Variants in IPO11 observed in about 807,000 individuals in gnomAD.
IPO11 encodes importin 11.
In IPO11, 66 loss-of-function variants were observed where a neutral mutation model predicts 143.2. The ratio of observed to expected loss-of-function variants is 0.46; its 90% CI spans 0.38 to 0.57. The LOEUF (loss-of-function observed/expected upper bound fraction) is 0.57. Ranked by LOEUF, IPO11 falls within the 20% of genes least tolerant of loss-of-function variation. IPO11 has a pLI of 0.00. For missense variants in IPO11, 1,026 were observed against 1,141.0 expected (o/e 0.90, Z 1.45); for synonymous variants, 385 against 377.8 (o/e 1.02, Z -0.22).
At chr5:62,489,969 ATTTC>A in intron 14 of IPO11, 142 bp from the exon 15 acceptor site, 1 of 411,898 alleles carries the variant, frequency 2.4e-6, no homozygotes, top group South Asian at 8.7e-5. Flanking sequence ...AAAATAAATT[ATTTC>A]TTCTACTTAA....
chr5:62,441,482 C>A, intron 2 of IPO11, among the ~76,000 whole-genome samples: 1 of 129,690 alleles, frequency 7.7e-6, no homozygotes, highest in African/African-American at 2.9e-5. Flanking sequence ...CAGGCATGAG[C>A]CACTGTGCCT....
chr5:62,430,608 C>T (rs946241012), intron 1 of IPO11, among the ~76,000 whole-genome samples: 4 of 151,906 alleles, frequency 2.6e-5, no homozygotes, highest in African/African-American at 7.3e-5. Context: ...AGGTGAGAGC[C>T]GCCATGCCAG....
chr5:62,529,190 G>T (rs1047132252), intron 21 of IPO11, among the ~76,000 whole-genome samples: 4 of 151,942 alleles, frequency 2.6e-5, no homozygotes, highest in Non-Finnish European at 5.9e-5. Context: ...TTTTTAAACA[G>T]AATTTGAACA....
chr5:62,446,195 A>G (rs1025117625), intron 3 of IPO11, among the ~76,000 whole-genome samples: 9 of 152,224 alleles, frequency 5.9e-5, no homozygotes, highest in African/African-American at 2.2e-4. Flanking sequence ...ACAGACTTTA[A>G]AACAGTACAC....
chr5:62,537,832 A>C (rs1401228971), intron 24 of IPO11, among the ~76,000 whole-genome samples: 3 of 152,024 alleles, frequency 2.0e-5, no homozygotes, highest in African/African-American at 7.2e-5. Flanking sequence ...AATAGTATTA[A>C]ATGTATATAT....
chr5:62,483,782 G>A (rs546744074), intron 10 of IPO11, among the ~76,000 whole-genome samples: 9 of 152,236 alleles, frequency 5.9e-5, no homozygotes, highest in East Asian at 1.9e-4. Context: ...TCAGTATGCC[G>A]TGATGGTATT....
At chr5:62,461,362 A>G (rs754404525) in intron 5 of IPO11, among the ~76,000 whole-genome samples, 7 of 152,218 alleles carry the variant, frequency 4.6e-5, no homozygotes, top group African/African-American at 7.2e-5. Context: ...TGATGATATC[A>G]ATGTCAAGGA....
chr5:62,451,541 T>C (rs1239644078), intron 4 of IPO11, among the ~76,000 whole-genome samples, 189 bp from the exon 5 acceptor site: 1 of 152,194 alleles, frequency 6.6e-6, no homozygotes, highest in African/African-American at 2.4e-5. Context: ...GAGGACCTCA[T>C]AGGTCCCAGA....
chr5:62,419,123 A>AAAT (rs1334466762), intron 1 of IPO11: 1 of 1,549,348 alleles, frequency 6.5e-7, no homozygotes, highest in Admixed American at 2.0e-5. Flanking sequence ...AGTTGTCACA[A>AAAT]AATGGTAAGT....
chr5:62,569,792 C>T (rs1486359329), intron 27 of IPO11, among the ~76,000 whole-genome samples: 2 of 152,142 alleles, frequency 1.3e-5, no homozygotes, highest in African/African-American at 4.8e-5. Context: ...TCCCTTACCA[C>T]TCTTTGAATA....
chr5:62,515,342 C>T (rs1741978199), intron 19 of IPO11, 46 bp from the exon 20 acceptor site: 2 of 1,345,218 alleles, frequency 1.5e-6, no homozygotes, highest in South Asian at 2.6e-5. Flanking sequence ...AAATTGCCTT[C>T]TTTACCAATA....
chr5:62,543,668 T>C (rs1197628905), intron 24 of IPO11, among the ~76,000 whole-genome samples: 1 of 152,184 alleles, frequency 6.6e-6, no homozygotes, highest in East Asian at 1.9e-4. Flanking sequence ...TGAAGGGTTT[T>C]TTGTGTCTCT....
At chr5:62,455,638 C>A (rs1201847230) in intron 5 of IPO11, among the ~76,000 whole-genome samples, 1 of 152,176 alleles carries the variant, frequency 6.6e-6, no homozygotes, top group African/African-American at 2.4e-5. Flanking sequence ...ATTGTTATAA[C>A]CTTTCCTCCT....
At chr5:62,487,532 G>A (rs888554854) in intron 12 of IPO11, among the ~76,000 whole-genome samples, 3 of 151,924 alleles carry the variant, frequency 2.0e-5, no homozygotes, top group Admixed American at 6.6e-5. Flanking sequence ...GTTTTTGAAT[G>A]CGTAATGACA....
Position 62,551,287 on chromosome 5 carries a change from G to A in IPO11, c.2411G>A (p.Ser804Asn), listed in dbSNP as rs759595648. The change falls in exon 26 of 30, where the codon AGT becomes AAT. Residue 804 changes from serine to asparagine, a missense_variant. Ser to Asn is a conservative substitution (Grantham distance 46). This residue lies in a region of IPO11 where 351 missense variants were observed against 358.9 expected (regional missense o/e 0.98). Coordinates refer to ENST00000325324, the MANE Select transcript of IPO11 (RefSeq NM_016338.5). ...VMGRVLLQNT[S>N]FFSSLLNEMA... ...GGTCGAGTTCTACTACAAAACACTA[G>A]TTTTTTTTCTTCACTACTTAATGAG... 2 of 1,609,314 alleles carry A rather than the reference G, an allele frequency of 1.2e-6. No homozygotes were observed. Among genetic ancestry groups the A allele is most frequent in the South Asian group, 1.1e-5 (1 of 90,824 alleles).
rs564539877 is a variant in IPO11 at position 62,579,842 on chromosome 5, G to A, written c.2583-11735G>A. ...ATATTTAAGGGACTTTTAAATCTTC[G>A]TAATTTATATTTACAGTATAATCAG... On this transcript the variant is annotated intron_variant, in intron 27 of 29. Coordinates refer to ENST00000325324, the MANE Select transcript of IPO11 (RefSeq NM_016338.5). 7.0e-5 allele frequency: 108 copies of A among 1,547,690 alleles called. 2 individuals carry two copies. The highest frequency in any genetic ancestry group is 6.7e-4 in the South Asian group (56 of 83,566).
chr5:62,506,176 T>C, intron 18 of IPO11, 65 bp from the exon 19 acceptor site: 1 of 784,818 alleles, frequency 1.3e-6, no homozygotes, highest in Non-Finnish European at 2.1e-6. Context: ...CTTCTGTTCG[T>C]ATGAATGTAG....
At chr5:62,540,115 A>ATG (rs1742879235) in intron 24 of IPO11, among the ~76,000 whole-genome samples, 2 of 152,142 alleles carry the variant, frequency 1.3e-5, no homozygotes, top group African/African-American at 4.8e-5. Context: ...ATACATATAT[A>ATG]GTAAGTGACT....
At chr5:62,418,073 C>G (rs1300269318) in intron 1 of IPO11, among the ~76,000 whole-genome samples, 1 of 152,162 alleles carries the variant, frequency 6.6e-6, no homozygotes, top group Non-Finnish European at 1.5e-5. Context: ...TCACCGCAAC[C>G]TCTGCCTCCC....
Sources: allele counts gnomAD v4.1 joint callset (sites outside exome capture counted in the v4.1 genomes callset), GRCh38; gene constraint gnomAD v4.1.1; regional missense constraint gnomAD v4.1.1; transcripts MANE v1.5; gene names NCBI Gene and HGNC (gene_info 2026-07-23, HGNC 2026-07-21).